Variants in SEM1 observed in about 807,000 individuals in gnomAD.
The protein encoded by SEM1 is SEM1 26S proteasome subunit.
In SEM1, 3 loss-of-function variants were observed where a neutral mutation model predicts 12.7. That is an observed-to-expected ratio of 0.24 (90% CI 0.11 to 0.61). The LOEUF (loss-of-function observed/expected upper bound fraction) is 0.61, where lower values mean the gene tolerates loss of function less well. SEM1 is among the 20% of genes least tolerant of loss of function. The pLI is 0.88. For missense variants in SEM1, 59 were observed against 81.3 expected (o/e 0.73, Z 1.06); for synonymous variants, 30 against 27.8 (o/e 1.08, Z -0.25).
intron 2 of SEM1, among the ~76,000 whole-genome samples, chr7:96,521,924 A>G (rs192572802): frequency 1.8e-4 from 27 of 152,274 alleles, no homozygotes; most frequent in Admixed American, 2.6e-4. Flanking sequence ...CTTACACTAT[A>G]GAGTTACCCC....
At chr7:96,598,843 T>A (rs1807091184) in intron 2 of SEM1, among the ~76,000 whole-genome samples, 2 of 152,232 alleles carry the variant, frequency 1.3e-5, no homozygotes, top group Admixed American at 1.3e-4. Context: ...TTAAAAAAAT[T>A]TTTTTAAACT....
chr7:96,612,872 T>C (rs1397007396), intron 2 of SEM1, among the ~76,000 whole-genome samples: 1 of 152,202 alleles, frequency 6.6e-6, no homozygotes, highest in Non-Finnish European at 1.5e-5. Flanking sequence ...CCTGAACTCA[T>C]GATCCGCCTG....
intron 2 of SEM1, among the ~76,000 whole-genome samples, chr7:96,565,666 ACACAG>A (rs1169741690): frequency 3.3e-5 from 5 of 151,790 alleles, no homozygotes; most frequent in Admixed American, 6.6e-5. Context: ...TTATTCACAC[ACACAG>A]CACTAATTTT....
At chr7:96,595,388 T>C (rs1168174226) in intron 2 of SEM1, among the ~76,000 whole-genome samples, 1 of 152,024 alleles carries the variant, frequency 6.6e-6, no homozygotes, top group African/African-American at 2.4e-5. Context: ...GGTGTGCACA[T>C]GTAGTCCCAG....
chr7:96,696,892 C>T (rs370387382), intron 1 of SEM1: 2 of 151,888 alleles, frequency 1.3e-5, no homozygotes, highest in African/African-American at 4.8e-5. Context: ...TTTTAATTTT[C>T]AACTCTAACA....
chr7:96,617,132 T>G (rs1188944776), intron 2 of SEM1, among the ~76,000 whole-genome samples: 1 of 152,168 alleles, frequency 6.6e-6, no homozygotes, highest in Non-Finnish European at 1.5e-5. Context: ...GTAGAATGCT[T>G]TGGACAGTAA....
intron 2 of SEM1, among the ~76,000 whole-genome samples, chr7:96,584,674 T>G (rs960237794): frequency 2.0e-4 from 30 of 150,982 alleles, no homozygotes; most frequent in African/African-American, 7.3e-4. Flanking sequence ...TTTCTTTTTA[T>G]TCTTTTTTCT....
At chr7:96,552,994 T>A (rs1190085045) in intron 2 of SEM1, among the ~76,000 whole-genome samples, 2 of 151,904 alleles carry the variant, frequency 1.3e-5, no homozygotes, top group East Asian at 3.9e-4. Context: ...AAATGTCTTC[T>A]TTTGAGAAGT....
At chr7:96,552,993 C>A (rs1486092243) in intron 2 of SEM1, among the ~76,000 whole-genome samples, 1 of 151,716 alleles carries the variant, frequency 6.6e-6, no homozygotes. Flanking sequence ...TAAATGTCTT[C>A]TTTTGAGAAG....
intron 2 of SEM1, among the ~76,000 whole-genome samples, chr7:96,556,320 G>A (rs1385929746): frequency 4.0e-5 from 6 of 151,848 alleles, no homozygotes; most frequent in East Asian, 2.0e-4. Flanking sequence ...ATTTTGCAGC[G>A]GCTGGTACCG....
Position 96,495,135 on chromosome 7 carries a change from A to T in SEM1, c.12+1149T>A, listed in dbSNP as rs572675114. On this transcript the variant is annotated intron_variant, in intron 1 of 3. Coordinates refer to the SEM1 transcript ENST00000356686. ...TTATTCTAATGATATTTCAGGCCAT[A>T]GAAATATTGTGAAATATAAGATTAA... 6.5e-3 allele frequency among the ~76,000 whole-genome samples: 982 copies of T among 152,196 alleles called. 11 individuals carry two copies. The highest frequency in any genetic ancestry group is 0.022 in the African/African-American group (932 of 41,498).
At chr7:96,491,660 A>G (rs965564354) in intron 1 of SEM1, among the ~76,000 whole-genome samples, 30 of 152,176 alleles carry the variant, frequency 2.0e-4, no homozygotes, top group Non-Finnish European at 1.0e-4. Context: ...GACTTTGCGT[A>G]AAGAAAGGGG....
At chr7:96,628,571 T>C (rs1262781789) in intron 2 of SEM1, among the ~76,000 whole-genome samples, 1 of 152,212 alleles carries the variant, frequency 6.6e-6, no homozygotes, top group African/African-American at 2.4e-5. Context: ...TGTTTGTTGT[T>C]TGTATTTATA....
At chr7:96,565,437 A>G (rs1805817611) in intron 2 of SEM1, among the ~76,000 whole-genome samples, 2 of 151,896 alleles carry the variant, frequency 1.3e-5, no homozygotes, top group Admixed American at 1.3e-4. Flanking sequence ...GTGAGGCACA[A>G]TTTTAGTAAG....
At chr7:96,664,917 A>C (rs1319385666) in intron 2 of SEM1, among the ~76,000 whole-genome samples, 1 of 152,174 alleles carries the variant, frequency 6.6e-6, no homozygotes, top group Non-Finnish European at 1.5e-5. Context: ...ACACCCACAA[A>C]GTTAAGTAGT....
chr7:96,600,953 T>C (rs954801991), intron 2 of SEM1, among the ~76,000 whole-genome samples: 1 of 152,146 alleles, frequency 6.6e-6, no homozygotes, highest in Non-Finnish European at 1.5e-5. Context: ...GTATACTATT[T>C]GCTTTTGAAA....
chr7:96,641,804 T>G (rs1212218184), intron 2 of SEM1, among the ~76,000 whole-genome samples: 2 of 151,894 alleles, frequency 1.3e-5, no homozygotes, highest in Non-Finnish European at 2.9e-5. Context: ...ATAAGAAAAC[T>G]TCCCTATTCT....
At chr7:96,546,815 A>T (rs574051750) in intron 2 of SEM1, among the ~76,000 whole-genome samples, 1 of 152,174 alleles carries the variant, frequency 6.6e-6, no homozygotes, top group South Asian at 2.1e-4. Flanking sequence ...TTGTTTAAGG[A>T]TAAACTGTCA....
intron 3 of SEM1, among the ~76,000 whole-genome samples, chr7:96,501,445 C>T (rs1198147543): frequency 4.6e-5 from 7 of 151,988 alleles, no homozygotes; most frequent in African/African-American, 1.7e-4. Flanking sequence ...TTCACACACA[C>T]ACAAAAAAAC....
Sources: allele counts gnomAD v4.1 joint callset (sites outside exome capture counted in the v4.1 genomes callset), GRCh38; gene constraint gnomAD v4.1.1; transcripts MANE v1.5; gene names NCBI Gene and HGNC (gene_info 2026-07-23, HGNC 2026-07-21).